The following TAFA1 variants were observed in gnomAD, a reference collection of about 807,000 sequenced individuals.
TAFA1 encodes chemokine-like protein TAFA-1.
A neutral mutation model predicts 18.5 loss-of-function variants in TAFA1; 4 were observed. That is an observed-to-expected ratio of 0.22 (90% CI 0.11 to 0.49). The LOEUF (loss-of-function observed/expected upper bound fraction) is 0.49. Ranked by LOEUF, TAFA1 falls within the 20% of genes least tolerant of loss-of-function variation. TAFA1 has a pLI of 0.98. For missense variants in TAFA1, 147 were observed against 169.0 expected, an observed-to-expected ratio of 0.87 and a Z score of 0.72; for synonymous variants, 56 against 55.2, an observed-to-expected ratio of 1.01 and a Z score of -0.06.
chr3:67,995,753 G>C, the TAFA1 span, among the ~76,000 whole-genome samples: 1 of 152,236 alleles, frequency 6.6e-6, no homozygotes, highest in South Asian at 2.1e-4. Context: ...GATGAGGTTG[G>C]AGATGCACAT....
intron 2 of TAFA1, among the ~76,000 whole-genome samples, chr3:68,237,988 ATT>A (rs575458202): frequency 2.1e-5 from 3 of 143,040 alleles, no homozygotes; most frequent in East Asian, 2.1e-4. Flanking sequence ...GCTTTTTGTT[ATT>A]TTTTTTTTTT....
rs886539720 is a variant in TAFA1, at chr3:68,303,701, T to G, written c.119-113579T>G. On this transcript the variant is annotated intron_variant, in intron 2 of 4. Coordinates refer to ENST00000478136, the MANE Select transcript of TAFA1 (RefSeq NM_213609.4). ...CCTGACCTCGTGATCCGCCCGCCTT[T>G]GCCTCCCAAAGTGCTGGGATTACAG... 9.2e-5 allele frequency among the ~76,000 whole-genome samples: 14 copies of G among 152,042 alleles called. No homozygotes were observed. In the East Asian group the frequency reaches 2.3e-3, roughly 25 times the overall value.
intron 3 of TAFA1, among the ~76,000 whole-genome samples, chr3:68,454,094 A>C (rs1159609068): frequency 2.6e-5 from 4 of 152,240 alleles, no homozygotes; most frequent in Non-Finnish European, 5.9e-5. Flanking sequence ...TTGTGTTGTT[A>C]AATGAAGATT....
At chr3:68,033,017 A>G (rs1347065441) in intron 2 of TAFA1, among the ~76,000 whole-genome samples, 1 of 152,210 alleles carries the variant, frequency 6.6e-6, no homozygotes, top group Non-Finnish European at 1.5e-5. Flanking sequence ...CAGAAGCAAG[A>G]ACATTTATAT....
intron 3 of TAFA1, among the ~76,000 whole-genome samples, chr3:68,450,561 T>C (rs556754811): frequency 3.9e-5 from 6 of 152,224 alleles, no homozygotes; most frequent in Non-Finnish European, 8.8e-5. Flanking sequence ...CAGATCCCAT[T>C]AAAAGGACCC....
chr3:68,211,699 A>C (rs2066599201), intron 2 of TAFA1, among the ~76,000 whole-genome samples: 2 of 152,098 alleles, frequency 1.3e-5, no homozygotes, highest in South Asian at 4.1e-4. Flanking sequence ...TGAAGGCCTC[A>C]GGCTGCTTCC....
chr3:68,273,241 C>T (rs1386892783), intron 2 of TAFA1, among the ~76,000 whole-genome samples: 1 of 152,072 alleles, frequency 6.6e-6, no homozygotes. Flanking sequence ...AAAGCAAGTG[C>T]AAAGCCCCTG....
chr3:68,182,441 T>C (rs2066215794), intron 2 of TAFA1, among the ~76,000 whole-genome samples: 1 of 152,174 alleles, frequency 6.6e-6, no homozygotes, highest in African/African-American at 2.4e-5. Context: ...GACATTTACA[T>C]ACAATGCAGT....
chr3:68,164,043 A>T (rs1407823697), intron 2 of TAFA1, among the ~76,000 whole-genome samples: 1 of 152,194 alleles, frequency 6.6e-6, no homozygotes, highest in East Asian at 1.9e-4. Context: ...CACTGGCAAA[A>T]TGCTTTAGCT....
intron 2 of TAFA1, among the ~76,000 whole-genome samples, chr3:68,279,030 G>C (rs973407244): frequency 3.9e-5 from 6 of 152,118 alleles, no homozygotes; most frequent in African/African-American, 1.2e-4. Flanking sequence ...AGGTGATACT[G>C]CTGGATCATA....
chr3:68,538,512 A>T (rs1195244596), intron 3 of TAFA1, among the ~76,000 whole-genome samples: 1 of 152,182 alleles, frequency 6.6e-6, no homozygotes, highest in Non-Finnish European at 1.5e-5. Flanking sequence ...ATAATTTTGA[A>T]AAGGCAGTCT....
intron 2 of TAFA1, among the ~76,000 whole-genome samples, chr3:68,403,022 A>AT (rs2070529490): frequency 6.6e-6 from 1 of 152,166 alleles, no homozygotes; most frequent in Non-Finnish European, 1.5e-5. Context: ...ATAATACCAT[A>AT]TTTTTACTGT....
intron 2 of TAFA1, among the ~76,000 whole-genome samples, chr3:68,025,550 G>A (rs1051451230): frequency 7.2e-5 from 11 of 151,980 alleles, no homozygotes; most frequent in Admixed American, 3.9e-4. Context: ...CCTTGCAAAG[G>A]GCCCTAATAA....
At chr3:68,522,521 G>T (rs1175177571) in intron 3 of TAFA1, among the ~76,000 whole-genome samples, 2 of 152,170 alleles carry the variant, frequency 1.3e-5, no homozygotes, top group Non-Finnish European at 2.9e-5. Flanking sequence ...TGCTTCAGAG[G>T]CAGCACCTAA....
chr3:68,190,566 C>A (rs2066324576), intron 2 of TAFA1, among the ~76,000 whole-genome samples: 2 of 151,872 alleles, frequency 1.3e-5, no homozygotes, highest in Non-Finnish European at 2.9e-5. Context: ...AAATCCCAGG[C>A]AGTTCCTCAG....
At chr3:68,287,824 T>C (rs929224697) in intron 2 of TAFA1, among the ~76,000 whole-genome samples, 6 of 149,516 alleles carry the variant, frequency 4.0e-5, no homozygotes, top group Non-Finnish European at 7.4e-5. Flanking sequence ...TATACCTCCT[T>C]ATTTGCCTGG....
At chr3:68,405,031 T>A (rs1009043665) in intron 2 of TAFA1, among the ~76,000 whole-genome samples, 3 of 152,126 alleles carry the variant, frequency 2.0e-5, no homozygotes, top group Admixed American at 1.3e-4. Flanking sequence ...ATTTTCTTCA[T>A]TTAGCTGGAG....
intron 2 of TAFA1, among the ~76,000 whole-genome samples, chr3:68,108,587 G>C (rs115296463): frequency 5.3e-5 from 8 of 151,948 alleles, no homozygotes; most frequent in Non-Finnish European, 4.4e-5. Flanking sequence ...TGGGATTAAG[G>C]TTCCTGGAAA....
chr3:68,328,341 G>A (rs1336314669), intron 2 of TAFA1, among the ~76,000 whole-genome samples: 1 of 152,042 alleles, frequency 6.6e-6, no homozygotes, highest in African/African-American at 2.4e-5. Flanking sequence ...TATTTTTATT[G>A]AACACAGCAA....
Sources: gnomAD v4.1 joint callset for allele counts (sites outside exome capture counted in the v4.1 genomes callset) on GRCh38, gnomAD v4.1.1 for gene constraint, MANE v1.5 for transcripts, NCBI Gene and HGNC (gene_info 2026-07-23, HGNC 2026-07-21) for gene names.